VIRMA: variants seen among roughly 807,000 people sequenced by gnomAD.
VIRMA encodes the protein vir like m6A methyltransferase associated, also known as protein virilizer homolog.
VIRMA carries 65 observed loss-of-function variants against 182.4 expected under a neutral mutation model. The ratio of observed to expected loss-of-function variants is 0.36; its 90% CI spans 0.29 to 0.44. VIRMA has a LOEUF of 0.44. Among genes scored for constraint, VIRMA ranks in the 20% least tolerant of loss-of-function variants. The pLI is 1.00. For synonymous variants in VIRMA, 709 were observed against 743.1 expected (o/e 0.95, Z 0.75); for missense variants, 1,752 against 2,158.1 (o/e 0.81, Z 3.73).
chr8:94,499,658 T>TA (rs894826711), intron 16 of VIRMA, 152 bp from the exon 17 acceptor site: 10 of 480,248 alleles, frequency 2.1e-5, no homozygotes, highest in African/African-American at 1.8e-4. Flanking sequence ...TGTACACAAA[T>TA]ATAACAAAGA....
At chr8:94,545,391 A>G (rs780640568) in intron 1 of VIRMA, among the ~76,000 whole-genome samples, 35 of 152,318 alleles carry the variant, frequency 2.3e-4, no homozygotes, top group Admixed American at 5.2e-4. Flanking sequence ...GTCTCGCTAT[A>G]AAGAATATCA....
At chr8:94,549,672 C>CA (rs1815902904) in intron 1 of VIRMA, among the ~76,000 whole-genome samples, 1 of 152,240 alleles carries the variant, frequency 6.6e-6, no homozygotes, top group South Asian at 2.1e-4. Context: ...CACTGGGACA[C>CA]AGCATAGCAC....
At chr8:94,547,625 C>T (rs1815816023) in intron 1 of VIRMA, among the ~76,000 whole-genome samples, 1 of 150,686 alleles carries the variant, frequency 6.6e-6, no homozygotes, top group Admixed American at 6.6e-5. Context: ...TCTCCTAGGA[C>T]TGTATTTTAA....
Position 94,537,105 on chromosome 8 carries a change from T to A in VIRMA, c.313A>T (p.Lys105Ter), listed in dbSNP as rs775655847. Residue 105 changes from lysine (K) to a stop codon, truncating the protein, a stop_gained and splice_region_variant, in exon 4 of 24, where the codon AAG becomes TAG. Coordinates refer to ENST00000297591, the MANE Select transcript of VIRMA (RefSeq NM_015496.5). LOFTEE classifies it high-confidence loss of function. The part of the protein sequence containing the change: ...NTSIIFRPNS[K>*]VNTDGLVLRG... ...TGAAAACTGACTTCCAGAATTACCT[T>A]TGAGTTAGGTCTAAAGATGATGGAA... is the stretch of plus-strand genomic sequence containing the variant. 1 of 1,598,690 alleles carries A rather than the reference T, an allele frequency of 6.3e-7. No homozygotes were observed. Among genetic ancestry groups the A allele is most frequent in the Non-Finnish European group, 8.6e-7 (1 of 1,166,090 alleles).
chr8:94,531,946 A>G, intron 5 of VIRMA, among the ~76,000 whole-genome samples: 1 of 152,232 alleles, frequency 6.6e-6, no homozygotes, highest in Non-Finnish European at 1.5e-5. Context: ...ATACTGCATG[A>G]TTCCATTGAT....
At chr8:94,540,888 G>A (rs931167002) in intron 2 of VIRMA, among the ~76,000 whole-genome samples, 1 of 152,030 alleles carries the variant, frequency 6.6e-6, no homozygotes, top group South Asian at 2.1e-4. Context: ...ACTGAAAAAC[G>A]ATTTAAAGAA....
intron 9 of VIRMA, among the ~76,000 whole-genome samples, chr8:94,518,454 G>A (rs1287922018): frequency 2.0e-5 from 3 of 152,174 alleles, no homozygotes; most frequent in African/African-American, 2.4e-5. Context: ...TCATAGTGAG[G>A]GCAGTTATCT....
intron 16 of VIRMA, among the ~76,000 whole-genome samples, chr8:94,500,708 A>AAC (rs914932720): frequency 7.2e-6 from 1 of 138,646 alleles, no homozygotes; most frequent in Non-Finnish European, 1.6e-5. Flanking sequence ...TTTAAGGTTA[A>AAC]ACACACACAC....
chr8:94,511,873 T>A, intron 12 of VIRMA, 123 bp downstream of exon 12: 1 of 665,216 alleles, frequency 1.5e-6, no homozygotes, highest in Non-Finnish European at 2.2e-6. Flanking sequence ...TTAATTACTT[T>A]AATTTAAAAT....
intron 7 of VIRMA, 39 bp from the exon 8 acceptor site, chr8:94,527,402 T>C (rs1405539131): frequency 1.7e-6 from 2 of 1,199,984 alleles, no homozygotes; most frequent in Non-Finnish European, 2.3e-6. Context: ...TATTACATCA[T>C]CTTTGTCTAA....
At chr8:94,552,342 A>G (rs1034237460) in intron 1 of VIRMA, among the ~76,000 whole-genome samples, 5 of 151,654 alleles carry the variant, frequency 3.3e-5, no homozygotes, top group Admixed American at 2.0e-4. Context: ...CATAAAAGAA[A>G]GAACATTTTA....
chr8:94,501,038 G>C (rs762149234), intron 16 of VIRMA, among the ~76,000 whole-genome samples: 1 of 151,970 alleles, frequency 6.6e-6, no homozygotes, highest in African/African-American at 2.4e-5. Context: ...GAAGTCAGGA[G>C]TTCGAGACCA....
chr8:94,504,246 G>A (rs542588972), intron 16 of VIRMA, among the ~76,000 whole-genome samples: 3 of 150,104 alleles, frequency 2.0e-5, no homozygotes, highest in Admixed American at 1.3e-4. Context: ...ACAATGGCCC[G>A]TATCATAAGC....
At chr8:94,491,316 A>G (rs1042845064) in intron 22 of VIRMA, among the ~76,000 whole-genome samples, 55 of 150,374 alleles carry the variant, frequency 3.7e-4, no homozygotes, top group African/African-American at 1.3e-3. Context: ...TCTTGTCTCA[A>G]AAAAAAAAGG....
rs745971338 is a variant in VIRMA at position 94,527,062 on chromosome 8, T to G, written c.1182A>C (p.Glu394Asp). 1.2e-6 allele frequency: 2 copies of G among 1,614,222 alleles called. No homozygotes were observed. The highest frequency in any genetic ancestry group is 1.7e-6 in the Non-Finnish European group (2 of 1,180,032). The change falls in exon 8 of 24, where the codon GAA becomes GAC. Residue 394 changes from glutamate (E) to aspartate (D), a missense_variant. Glu to Asp is a conservative substitution (Grantham distance 45, BLOSUM62 2). Around this residue, in one of 11 missense-constraint regions of VIRMA, gnomAD observed 401 missense variants for 455.1 expected, o/e 0.88. Coordinates refer to ENST00000297591, the MANE Select transcript of VIRMA (RefSeq NM_015496.5). Reference protein sequence around the residue: ...KLTELLDLYREDRGAKWVTAL... With the variant: ...KLTELLDLYRDDRGAKWVTAL... ...CTGTTACCCATTTTGCACCTCTATC[T>G]TCTCTATACAAATCTAAGAGTTCTG...
chr8:94,488,625 T>C lies in VIRMA; in HGVS notation c.*81A>G, dbSNP rs1191564695. 2 of 1,360,014 alleles carry C rather than the reference T, an allele frequency of 1.5e-6. No individual in the cohort carries two copies. Among genetic ancestry groups the C allele is most frequent in the African/African-American group, 1.4e-5 (1 of 70,318 alleles). 84.2% of individuals were successfully genotyped at this position (1,360,014 alleles called of 1,614,324 possible). A position where few individuals can be genotyped will look rare whatever the true frequency, so the allele number is the denominator to read the frequency against. On this transcript the variant is annotated 3_prime_UTR_variant, in exon 24 of 24. Coordinates refer to ENST00000297591, the MANE Select transcript of VIRMA (RefSeq NM_015496.5). Reference sequence around the variant, plus strand: ...CAGATGTCTCCAGATAACTGCTAAGTCTAAATTGGTCCTTCAATGTCTTAT... The same window carrying C: ...CAGATGTCTCCAGATAACTGCTAAGCCTAAATTGGTCCTTCAATGTCTTAT...
intron 15 of VIRMA, among the ~76,000 whole-genome samples, chr8:94,508,699 C>CAA (rs111721426): frequency 3.3e-4 from 42 of 125,858 alleles, no homozygotes; most frequent in African/African-American, 1.1e-3. Flanking sequence ...ACAAGTCATA[C>CAA]AAAAAAAAAA....
At chr8:94,550,803 C>T (rs1447322700) in intron 1 of VIRMA, among the ~76,000 whole-genome samples, 1 of 152,094 alleles carries the variant, frequency 6.6e-6, no homozygotes, top group Non-Finnish European at 1.5e-5. Context: ...ACAGCAACCT[C>T]CTCCTCCCGG....
At chr8:94,494,453 G>C (rs754607681) in intron 20 of VIRMA, among the ~76,000 whole-genome samples, 5 of 151,806 alleles carry the variant, frequency 3.3e-5, no homozygotes, top group Non-Finnish European at 7.4e-5. Flanking sequence ...TTAGCCAGGC[G>C]TGGTGGCACA....
Sources: gnomAD v4.1 joint callset for allele counts (sites outside exome capture counted in the v4.1 genomes callset) on GRCh38, gnomAD v4.1.1 for gene constraint, gnomAD v4.1.1 regional missense constraint, MANE v1.5 for transcripts, NCBI Gene and HGNC (gene_info 2026-07-23, HGNC 2026-07-21) for gene names.